SORCS1: variants seen among roughly 807,000 people sequenced by gnomAD.
SORCS1 encodes the protein VPS10 domain-containing receptor SorCS1.
Under a neutral mutation model 146.1 loss-of-function variants are expected in SORCS1, and 60 were observed. That is an observed-to-expected ratio of 0.41 (90% CI 0.33 to 0.51). SORCS1 has a LOEUF of 0.51. Among genes scored for constraint, SORCS1 ranks in the 20% least tolerant of loss-of-function variants. The pLI is 0.21. For synonymous variants in SORCS1, 637 were observed against 584.0 expected (o/e 1.09, Z -1.31); for missense variants, 1,352 against 1,487.6 (o/e 0.91, Z 1.50).
At chr10:107,043,675 C>T (rs890500930) in intron 1 of SORCS1, among the ~76,000 whole-genome samples, 3 of 152,120 alleles carry the variant, frequency 2.0e-5, no homozygotes, top group Admixed American at 1.3e-4. Context: ...TCCTCCCTGC[C>T]ACAATCTGGC....
At chr10:106,604,243 G>C (rs919755037) in intron 23 of SORCS1, among the ~76,000 whole-genome samples, 1 of 151,980 alleles carries the variant, frequency 6.6e-6, no homozygotes, top group Non-Finnish European at 1.5e-5. Flanking sequence ...CTGTACCTCT[G>C]GACTTCTCAA....
intron 1 of SORCS1, among the ~76,000 whole-genome samples, chr10:106,997,590 A>G (rs1228216074): frequency 6.6e-6 from 1 of 152,098 alleles, no homozygotes; most frequent in African/African-American, 2.4e-5. Context: ...TATAAACAAG[A>G]CCAGACAGAG....
At chr10:106,909,783 T>C (rs969860973) in intron 2 of SORCS1, among the ~76,000 whole-genome samples, 1 of 152,228 alleles carries the variant, frequency 6.6e-6, no homozygotes, top group African/African-American at 2.4e-5. Flanking sequence ...ATGAAATTCG[T>C]TCTCCTTTCC....
intron 3 of SORCS1, among the ~76,000 whole-genome samples, chr10:106,789,125 G>A (rs578153248): frequency 3.2e-4 from 49 of 152,210 alleles, no homozygotes; most frequent in African/African-American, 1.1e-3. Context: ...TTTCAGCCAC[G>A]CCTGCGACAG....
chr10:106,867,252 C>T (rs1950253619), intron 2 of SORCS1, among the ~76,000 whole-genome samples: 1 of 151,970 alleles, frequency 6.6e-6, no homozygotes, highest in African/African-American at 2.4e-5. Context: ...CAGCTAAAAC[C>T]TTATAAGCTA....
In SORCS1 at chr10:106,817,953, T is replaced by C. The variant is rs187434516; in HGVS notation, c.726+11621A>G. Reference sequence around the variant, plus strand: ...TGAGATTACAGCCCTCTCTAAACTCTTAAAGCCTTTGTTGTCTGTACAATC... The same window carrying C: ...TGAGATTACAGCCCTCTCTAAACTCCTAAAGCCTTTGTTGTCTGTACAATC... On this transcript the variant is annotated intron_variant, in intron 3 of 25. Coordinates refer to ENST00000263054, the MANE Select transcript of SORCS1 (RefSeq NM_052918.5). Among the ~76,000 whole-genome samples, 114 of 152,350 alleles carry C rather than the reference T, an allele frequency of 7.5e-4. 1 individual carries two copies. Among genetic ancestry groups the C allele is most frequent in the Non-Finnish European group, 1.5e-5 (1 of 68,026 alleles).
intron 17 of SORCS1, among the ~76,000 whole-genome samples, chr10:106,666,609 T>C (rs1412041637): frequency 6.7e-6 from 1 of 150,076 alleles, no homozygotes; most frequent in Non-Finnish European, 1.5e-5. Flanking sequence ...CAGGCTGGAG[T>C]GCAGTGGTGC....
intron 1 of SORCS1, among the ~76,000 whole-genome samples, chr10:107,129,756 TAAC>T (rs1966849113): frequency 1.3e-5 from 2 of 152,242 alleles, no homozygotes; most frequent in African/African-American, 2.4e-5. Context: ...GTGCCCCTAA[TAAC>T]TTCTTTGATG....
chr10:106,624,073 C>G (rs1242225548), intron 19 of SORCS1, among the ~76,000 whole-genome samples: 3 of 152,054 alleles, frequency 2.0e-5, no homozygotes, highest in Non-Finnish European at 4.4e-5. Flanking sequence ...TTAGGTATTT[C>G]TGAGGAAGGA....
chr10:107,134,468 C>T lies in SORCS1; in HGVS notation c.558+29501G>A, dbSNP rs560263118. ...CCTGGCTAACATGGTGAGACCCTGT[C>T]TCTACTAAAAATACAAAAAAATTAT... On this transcript the variant is annotated intron_variant, in intron 1 of 25. Transcript: ENST00000263054. Among the ~76,000 whole-genome samples the T allele has an allele frequency of 1.1e-4, 17 of 152,174 alleles. No individual in the cohort carries two copies. The South Asian group carries it at 3.3e-3, about 30-fold the overall frequency.
intron 2 of SORCS1, among the ~76,000 whole-genome samples, chr10:106,948,809 A>T (rs2138867358): frequency 6.6e-6 from 1 of 152,150 alleles, no homozygotes; most frequent in African/African-American, 2.4e-5. Context: ...AATACAAAAA[A>T]AATTAGCTGG....
chr10:106,998,280 G>T (rs1356121538), intron 1 of SORCS1, among the ~76,000 whole-genome samples: 1 of 152,198 alleles, frequency 6.6e-6, no homozygotes, highest in East Asian at 1.9e-4. Flanking sequence ...TCATGCCTTT[G>T]CAGTGTCAAA....
chr10:106,737,339 C>T (rs889099789), intron 5 of SORCS1, among the ~76,000 whole-genome samples: 8 of 152,148 alleles, frequency 5.3e-5, no homozygotes, highest in African/African-American at 1.9e-4. Context: ...AATTTAATGA[C>T]TTTGCTTTTT....
At chr10:106,891,504 C>CTTTTTTT (rs760812204) in intron 2 of SORCS1, among the ~76,000 whole-genome samples, 3 of 97,260 alleles carry the variant, frequency 3.1e-5, no homozygotes, top group South Asian at 3.3e-4. Context: ...AATGGGAATT[C>CTTTTTTT]TTTTTTTTTT....
rs751125765 is a variant in SORCS1 at position 106,679,623 on chromosome 10, G to A, written c.1663+9C>T. 1 of 1,605,026 alleles carries A rather than the reference G, an allele frequency of 6.2e-7. No homozygotes were observed. Among genetic ancestry groups the A allele is most frequent in the East Asian group, 2.2e-5 (1 of 44,746 alleles). ...TTACCACAGCCAGCAAACCAGGTAA[G>A]CTTCTTACCTGATGCCACTATGATG... On this transcript the variant is annotated intron_variant, in intron 11 of 25. Coordinates refer to ENST00000263054, the MANE Select transcript of SORCS1 (RefSeq NM_052918.5).
intron 3 of SORCS1, among the ~76,000 whole-genome samples, chr10:106,815,122 C>A (rs1947672770): frequency 6.6e-6 from 1 of 151,666 alleles, no homozygotes; most frequent in Non-Finnish European, 1.5e-5. Flanking sequence ...CCACACCCAG[C>A]TAATTTTTCT....
chr10:106,748,890 A>C (rs1857942594), intron 5 of SORCS1, among the ~76,000 whole-genome samples: 1 of 152,222 alleles, frequency 6.6e-6, no homozygotes, highest in African/African-American at 2.4e-5. Flanking sequence ...AGAAAGGGGA[A>C]GCATGACTCA....
intron 18 of SORCS1, among the ~76,000 whole-genome samples, chr10:106,646,498 C>T (rs117411967): frequency 0.024 from 3,577 of 151,892 alleles, 57 homozygotes; most frequent in Non-Finnish European, 0.035. Flanking sequence ...GAGTTCGAGA[C>T]GAGCCTGACC....
intron 1 of SORCS1, among the ~76,000 whole-genome samples, chr10:106,967,751 T>C (rs1031897716): frequency 2.0e-5 from 3 of 152,062 alleles, no homozygotes; most frequent in Non-Finnish European, 4.4e-5. Context: ...GGGAGAGAGA[T>C]TATATTCAAC....
Sources: gnomAD v4.1 joint callset for allele counts (sites outside exome capture counted in the v4.1 genomes callset) on GRCh38, gnomAD v4.1.1 for gene constraint, MANE v1.5 for transcripts, NCBI Gene and HGNC (gene_info 2026-07-23, HGNC 2026-07-21) for gene names.